The following WDPCP variants were observed in gnomAD, a reference collection of about 807,000 sequenced individuals.
WDPCP encodes WD repeat-containing and planar cell polarity effector protein fritz homolog.
In WDPCP, 71 loss-of-function variants were observed where a neutral mutation model predicts 93.1. The observed-to-expected ratio is 0.76, with a 90% confidence interval of 0.63 to 0.93. WDPCP has a LOEUF of 0.93. Among genes scored for constraint, WDPCP ranks in the 40% least tolerant of loss-of-function variants. The pLI is 0.00. For missense variants in WDPCP, 844 were observed against 887.4 expected (o/e 0.95, Z 0.62); for synonymous variants, 315 against 315.0 (o/e 1.00, Z 0.00).
intron 6 of WDPCP, among the ~76,000 whole-genome samples, chr2:63,458,146 A>G (rs953758908): frequency 6.6e-6 from 1 of 151,838 alleles, no homozygotes; most frequent in Non-Finnish European, 1.5e-5. Flanking sequence ...AGAAAAAAAA[A>G]ACTGGAATAA....
At chr2:63,413,422 G>C in intron 9 of WDPCP, among the ~76,000 whole-genome samples, 1 of 152,102 alleles carries the variant, frequency 6.6e-6, no homozygotes, top group East Asian at 1.9e-4. Flanking sequence ...AAAAATTCTA[G>C]AAGATAACAT....
At chr2:63,546,344 G>C (rs1705152837) in intron 1 of WDPCP, among the ~76,000 whole-genome samples, 1 of 152,192 alleles carries the variant, frequency 6.6e-6, no homozygotes, top group African/African-American at 2.4e-5. Flanking sequence ...GAGGAAAGAA[G>C]ACAGAGTCCA....
chr2:63,273,457 C>A (rs1255937876), intron 13 of WDPCP, among the ~76,000 whole-genome samples: 13 of 148,498 alleles, frequency 8.8e-5, no homozygotes, highest in African/African-American at 1.5e-4. Context: ...AAAAAAAAAA[C>A]CAGAAATAAG....
intron 1 of WDPCP, among the ~76,000 whole-genome samples, chr2:63,587,030 T>C (rs1708888984): frequency 6.6e-6 from 1 of 152,206 alleles, no homozygotes; most frequent in African/African-American, 2.4e-5. Flanking sequence ...GACAACAACA[T>C]GGAAAAATCT....
rs1259678926 is a variant in WDPCP at position 63,714,341 on chromosome 2, T to C, written n.309-63503A>G. Reference sequence around the variant, plus strand: ...CCTTGTCCTCCCAAAGTGCTGGGATTACAGGCTTGAGCCACCGCGCCTGGC... The same window carrying C: ...CCTTGTCCTCCCAAAGTGCTGGGATCACAGGCTTGAGCCACCGCGCCTGGC... On this transcript the variant is annotated intron_variant and non_coding_transcript_variant, in intron 2 of 4. Transcript: ENST00000467687. Among the ~76,000 whole-genome samples, 7 of 152,096 alleles carry C rather than the reference T, an allele frequency of 4.6e-5. No homozygotes were observed. In the East Asian group the frequency reaches 1.3e-3, roughly 29 times the overall value.
At chr2:63,420,365 A>AAAAAAAAC (rs1553384401) in intron 9 of WDPCP, among the ~76,000 whole-genome samples, 1 of 143,662 alleles carries the variant, frequency 7.0e-6, no homozygotes, top group African/African-American at 2.9e-5. Flanking sequence ...TTTACTTAAA[A>AAAAAAAAC]AAAAAAAAAA....
chr2:63,827,223 A>C (rs1429514386), intron 1 of WDPCP, among the ~76,000 whole-genome samples: 1 of 152,146 alleles, frequency 6.6e-6, no homozygotes, highest in African/African-American at 2.4e-5. Flanking sequence ...TGGCTAACAA[A>C]ATTAAGCCCT....
At chr2:63,702,056 G>A (rs1293947395) in intron 2 of WDPCP, among the ~76,000 whole-genome samples, 4 of 151,934 alleles carry the variant, frequency 2.6e-5, no homozygotes, top group Admixed American at 1.3e-4. Flanking sequence ...ATGGAGTTTC[G>A]CTCTTGTTGC....
At chr2:63,504,143 C>A (rs1396757966) in intron 1 of WDPCP, among the ~76,000 whole-genome samples, 1 of 151,952 alleles carries the variant, frequency 6.6e-6, no homozygotes, top group Non-Finnish European at 1.5e-5. Flanking sequence ...TTAAATATTT[C>A]TTTTCCAAAA....
chr2:63,260,204 T>C (rs1468989257), intron 13 of WDPCP, among the ~76,000 whole-genome samples: 2 of 152,152 alleles, frequency 1.3e-5, no homozygotes, highest in Non-Finnish European at 2.9e-5. Context: ...TCTTTCGATA[T>C]GGAAGGAGTG....
intron 2 of WDPCP, among the ~76,000 whole-genome samples, chr2:63,659,690 GT>G (rs1710205902): frequency 1.3e-5 from 2 of 152,170 alleles, no homozygotes; most frequent in Non-Finnish European, 1.5e-5. Context: ...CATTTCTGTT[GT>G]TTTAAGTCAC....
At chr2:63,758,969 C>T (rs768157208) in intron 2 of WDPCP, among the ~76,000 whole-genome samples, 3 of 150,972 alleles carry the variant, frequency 2.0e-5, no homozygotes, top group Non-Finnish European at 4.4e-5. Flanking sequence ...TTAGTAGAGA[C>T]GGGGTTTCAC....
At chr2:63,212,947 G>A (rs1011579551) in intron 14 of WDPCP, among the ~76,000 whole-genome samples, 23 of 152,198 alleles carry the variant, frequency 1.5e-4, no homozygotes, top group Non-Finnish European at 3.1e-4. Flanking sequence ...TATGCACCCA[G>A]TACAGGAGCA....
At chr2:63,436,914 T>G (rs1048897319) in intron 8 of WDPCP, among the ~76,000 whole-genome samples, 1 of 152,070 alleles carries the variant, frequency 6.6e-6, no homozygotes, top group Non-Finnish European at 1.5e-5. Flanking sequence ...TACTAACACA[T>G]GAAGATTTCT....
At chr2:63,624,961 A>G (rs1249293491) in intron 3 of WDPCP, among the ~76,000 whole-genome samples, 1 of 152,224 alleles carries the variant, frequency 6.6e-6, no homozygotes, top group African/African-American at 2.4e-5. Flanking sequence ...CCAGCAGCAC[A>G]TCAAAAGGCT....
rs10667775 is a variant in WDPCP, at chr2:63,497,111, CAAAA to C, written c.76-4175_76-4172del. On this transcript the variant is annotated intron_variant, in intron 1 of 17. Coordinates refer to ENST00000272321, the MANE Select transcript of WDPCP (RefSeq NM_015910.7). The stretch of plus-strand genomic sequence containing the variant: ...TAGGTGACAGAGTGAGACTCCATCT[CAAAA>C]AAAAAAAAAAAAAAAAAGAATGGAG... Among the ~76,000 whole-genome samples, 407 of 72,464 alleles carry C rather than the reference CAAAA, an allele frequency of 5.6e-3. 6 individuals carry two copies. The highest frequency in any genetic ancestry group is 0.05 in the East Asian group (115 of 2,318). 47.5% of individuals were successfully genotyped at this position (72,464 alleles called of 152,430 possible). A position where few individuals can be genotyped will look rare whatever the true frequency, so the allele number is the denominator to read the frequency against.
intron 2 of WDPCP, among the ~76,000 whole-genome samples, chr2:63,804,456 C>T (rs527351751): frequency 3.5e-4 from 53 of 151,552 alleles, no homozygotes; most frequent in Non-Finnish European, 7.5e-4. Flanking sequence ...TGGGTTTCAC[C>T]GTGTTACCCA....
chr2:63,312,094 C>T (rs1400895159), intron 13 of WDPCP, among the ~76,000 whole-genome samples: 1 of 152,072 alleles, frequency 6.6e-6, no homozygotes, highest in Admixed American at 6.6e-5. Flanking sequence ...AAAATCTTCC[C>T]TCAATGTCAT....
intron 6 of WDPCP, among the ~76,000 whole-genome samples, chr2:63,474,985 T>G (rs1699892332): frequency 6.6e-6 from 1 of 152,164 alleles, no homozygotes; most frequent in Admixed American, 6.6e-5. Flanking sequence ...TTTTCCAAAT[T>G]TTCTGCCTTA....
Sources: allele counts gnomAD v4.1 joint callset (sites outside exome capture counted in the v4.1 genomes callset), GRCh38; gene constraint gnomAD v4.1.1; transcripts MANE v1.5; gene names NCBI Gene and HGNC (gene_info 2026-07-23, HGNC 2026-07-21).